The following BTBD16 variants were observed in gnomAD, a reference collection of about 807,000 sequenced individuals.
The protein encoded by BTBD16 is BTB domain containing 16, also known as BTB/POZ domain-containing protein 16.
A neutral mutation model predicts 67.4 loss-of-function variants in BTBD16; 66 were observed. That is an observed-to-expected ratio of 0.98 (90% confidence interval 0.80 to 1.20). The LOEUF (loss-of-function observed/expected upper bound fraction) is 1.20. BTBD16 is among the 50% of genes most tolerant of loss of function. The probability of loss-of-function intolerance (pLI) is 0.00; values close to 1 mark genes in which losing one functional copy is unlikely to be tolerated. For missense variants in BTBD16, 634 were observed against 616.0 expected, an observed-to-expected ratio of 1.03 and a Z score of -0.31; for synonymous variants, 242 against 236.4, an observed-to-expected ratio of 1.02 and a Z score of -0.22.
intron 8 of BTBD16, among the ~76,000 whole-genome samples, chr10:122,298,225 A>G (rs1404208184): frequency 6.6e-6 from 1 of 152,144 alleles, no homozygotes; most frequent in African/African-American, 2.4e-5. Flanking sequence ...AGAGGAGAAA[A>G]CAGAGCCAAG....
At chr10:122,289,833 G>T in intron 5 of BTBD16, 76 bp from the exon 6 acceptor site, 1 of 930,866 alleles carries the variant, frequency 1.1e-6, no homozygotes, top group South Asian at 1.4e-5. Flanking sequence ...GGTCATGCCA[G>T]GGTGGTGGGT....
At chr10:122,272,811 C>G (rs2096331822) in intron 1 of BTBD16, among the ~76,000 whole-genome samples, 1 of 151,962 alleles carries the variant, frequency 6.6e-6, no homozygotes, top group Admixed American at 6.6e-5. Flanking sequence ...TGTTAGTGTC[C>G]CCAGTACATA....
At chr10:122,305,924 C>T (rs1205298521) in intron 9 of BTBD16, among the ~76,000 whole-genome samples, 1 of 152,224 alleles carries the variant, frequency 6.6e-6, no homozygotes, top group East Asian at 1.9e-4. Flanking sequence ...TGCCTTCACT[C>T]TTTTTCATGG....
intron 10 of BTBD16, among the ~76,000 whole-genome samples, chr10:122,313,829 A>T (rs2096418895): frequency 6.6e-6 from 1 of 152,154 alleles, no homozygotes; most frequent in Admixed American, 6.5e-5. Flanking sequence ...AACGTATTTT[A>T]CATGCTATGT....
chr10:122,292,511 A>G (rs907504621), intron 7 of BTBD16, among the ~76,000 whole-genome samples: 1 of 152,246 alleles, frequency 6.6e-6, no homozygotes, highest in African/African-American at 2.4e-5. Flanking sequence ...ACACTGTACT[A>G]TTCCACTTCG....
intron 14 of BTBD16, among the ~76,000 whole-genome samples, 181 bp from the exon 15 acceptor site, chr10:122,336,312 TG>T (rs1238390594): frequency 6.6e-6 from 1 of 152,184 alleles, no homozygotes; most frequent in Non-Finnish European, 1.5e-5. Flanking sequence ...TTATGTATGG[TG>T]GGGGCTCCAA....
intron 3 of BTBD16, among the ~76,000 whole-genome samples, chr10:122,279,995 C>T (rs563134743): frequency 6.6e-6 from 1 of 152,262 alleles, no homozygotes; most frequent in East Asian, 1.9e-4. Flanking sequence ...TCTGGGTTTT[C>T]ATGACGCAGG....
intron 3 of BTBD16, among the ~76,000 whole-genome samples, chr10:122,279,201 G>A (rs974259107): frequency 2.6e-5 from 4 of 152,010 alleles, no homozygotes; most frequent in African/African-American, 9.7e-5. Context: ...AACTTGTCTG[G>A]GCATGGTGGC....
At chr10:122,279,757 A>T (rs1031790404) in intron 3 of BTBD16, among the ~76,000 whole-genome samples, 2 of 152,146 alleles carry the variant, frequency 1.3e-5, no homozygotes, top group African/African-American at 4.8e-5. Flanking sequence ...AAAGCACTAC[A>T]TGGCTGTTTC....
At chr10:122,332,843 T>G in intron 13 of BTBD16, 1 of 985,438 alleles carries the variant, frequency 1.0e-6, no homozygotes, top group Non-Finnish European at 1.2e-6. Flanking sequence ...TTGGTCTTTC[T>G]ATTTCCCACA....
chr10:122,273,578 G>C (rs989021330), intron 1 of BTBD16, among the ~76,000 whole-genome samples: 1 of 151,974 alleles, frequency 6.6e-6, no homozygotes, highest in Admixed American at 6.6e-5. Context: ...GGGCAACCCT[G>C]GCTCTAGAAA....
chr10:122,306,945 GGGGCACAGA>G (rs2096404744), intron 9 of BTBD16, among the ~76,000 whole-genome samples: 1 of 152,108 alleles, frequency 6.6e-6, no homozygotes, highest in South Asian at 2.1e-4. Context: ...ATTGTTTTGC[GGGGCACAGA>G]GGGTGGGTGA....
intron 10 of BTBD16, among the ~76,000 whole-genome samples, chr10:122,323,997 G>A (rs2096439915): frequency 6.6e-6 from 1 of 152,142 alleles, no homozygotes; most frequent in African/African-American, 2.4e-5. Context: ...CTGGCAATGA[G>A]CTTCCACCTC....
intron 7 of BTBD16, 129 bp downstream of exon 7, chr10:122,291,323 T>C: frequency 8.2e-7 from 1 of 1,220,396 alleles, no homozygotes; most frequent in South Asian, 1.9e-5. Context: ...GTGCCAAGCA[T>C]GGCCTTGAGC....
Position 122,283,887 on chromosome 10 carries a change from G to C in BTBD16, c.204G>C (p.Glu68Asp), listed in dbSNP as rs1216982193. 1 of 1,613,994 alleles carries C rather than the reference G, an allele frequency of 6.2e-7. No homozygotes were observed. The highest frequency in any genetic ancestry group is 8.5e-7 in the Non-Finnish European group (1 of 1,179,992). Residue 68 changes from glutamate (E) to aspartate (D), a missense_variant, in exon 4 of 16, where the codon GAG becomes GAC. By Grantham distance (45) the Glu-to-Asp change is conservative. Transcript: ENST00000260723. ...CACAAATCCAGAAGTTTTTCTTTGAGAATTTCAAGAACAAGGACATCCAAA... is the reference window on the plus strand; with the variant it reads ...CACAAATCCAGAAGTTTTTCTTTGACAATTTCAAGAACAAGGACATCCAAA... ...CISQIQKFFF[E>D]NFKNKDIQSG... is the part of the protein sequence containing the mutation.
At chr10:122,301,353 C>T (rs1166401590) in intron 9 of BTBD16, among the ~76,000 whole-genome samples, 2 of 152,168 alleles carry the variant, frequency 1.3e-5, no homozygotes, top group African/African-American at 4.8e-5. Flanking sequence ...AAGAGCATTA[C>T]GTGTCAAGTG....
At position 122,283,941 on chromosome 10, in the gene BTBD16, C is replaced by T. The variant is rs1162514621; in HGVS notation, c.241+17C>T. 6.3e-7 allele frequency: 1 copy of T among 1,588,242 alleles called. No homozygotes were observed. The highest frequency in any genetic ancestry group is 1.7e-5 in the Admixed American group (1 of 59,978). On this transcript the variant is annotated intron_variant, in intron 4 of 15. Coordinates refer to ENST00000260723, the MANE Select transcript of BTBD16 (RefSeq NM_144587.5). Reference sequence around the variant, plus strand: ...GGGAAGCAGGTGAGTTTGTGTTATCCATGGATTAAGCCAGAATGTTGCTGA... The same window carrying T: ...GGGAAGCAGGTGAGTTTGTGTTATCTATGGATTAAGCCAGAATGTTGCTGA...
At chr10:122,277,706 G>A (rs2096343817) in intron 3 of BTBD16, among the ~76,000 whole-genome samples, 1 of 152,068 alleles carries the variant, frequency 6.6e-6, no homozygotes, top group African/African-American at 2.4e-5. Context: ...GGAACTAAGA[G>A]AGTAAGAACC....
In BTBD16 at chr10:122,299,033, C is replaced by T. The variant is rs759798304; in HGVS notation, c.690C>T (p.Cys230=). The change falls in exon 9 of 16, where the codon TGC becomes TGT. Residue 230 remains cysteine (C), a synonymous_variant. Coordinates refer to ENST00000260723, the MANE Select transcript of BTBD16 (RefSeq NM_144587.5). ...AGGAAGAGCAGCTCACCACCGGCTGCGAGAAGTGGCTGGAAATGAACTTGG... is the reference window on the plus strand; with the variant it reads ...AGGAAGAGCAGCTCACCACCGGCTGTGAGAAGTGGCTGGAAATGAACTTGG... ...KYKEEQLTTG[C]EKWLEMNLVP... is the part of the protein sequence containing the mutation. The T allele has an allele frequency of 6.8e-5, 110 of 1,613,872 alleles. 2 individuals carry two copies. The South Asian group carries it at 1.0e-3, about 15-fold the overall frequency.
Sources: allele counts gnomAD v4.1 joint callset (sites outside exome capture counted in the v4.1 genomes callset), GRCh38; gene constraint gnomAD v4.1.1; transcripts MANE v1.5; gene names NCBI Gene and HGNC (gene_info 2026-07-23, HGNC 2026-07-21).